Variants in ATG7 observed in about 807,000 individuals in gnomAD.
ATG7 encodes ubiquitin-like modifier-activating enzyme ATG7.
A neutral mutation model predicts 82.4 loss-of-function variants in ATG7; 70 were observed. The ratio of observed to expected loss-of-function variants is 0.85; its 90% CI spans 0.70 to 1.04. ATG7 has a LOEUF of 1.04. Ranked by LOEUF, ATG7 falls within the 50% of genes least tolerant of loss-of-function variation. The pLI, the probability that ATG7 is intolerant of heterozygous loss-of-function variation, is 0.00. For missense variants in ATG7, 792 were observed against 864.3 expected (o/e 0.92, Z 1.05); for synonymous variants, 287 against 313.0 (o/e 0.92, Z 0.88).
At chr3:11,519,753 G>A (rs1407666359) in intron 20 of ATG7, among the ~76,000 whole-genome samples, 1 of 151,592 alleles carries the variant, frequency 6.6e-6, no homozygotes, top group African/African-American at 2.4e-5. Context: ...AGTAGAGACG[G>A]GGTTTCACAG....
rs899692377 is a variant in ATG7, at chr3:11,306,975, C to G, written c.248C>G (p.Ala83Gly). ...CCCACCCCAGCCCGTTGCTGCCCAGCTATTGGAACACTGTATAACACCAAC... is the reference window on the plus strand; with the variant it reads ...CCCACCCCAGCCCGTTGCTGCCCAGGTATTGGAACACTGTATAACACCAAC... The part of the protein sequence containing the change: ...SAPTPARCCP[A>G]IGTLYNTNTL... Residue 83 changes from alanine to glycine, a missense_variant, in exon 6 of 21, where the codon GCT becomes GGT. Coordinates refer to ENST00000693202, the MANE Select transcript of ATG7 (RefSeq NM_001349232.2). 11 of 1,613,940 alleles carry G rather than the reference C, an allele frequency of 6.8e-6. No individual in the cohort carries two copies. Among genetic ancestry groups the G allele is most frequent in the Admixed American group, 1.7e-5 (1 of 59,994 alleles).
intron 19 of ATG7, among the ~76,000 whole-genome samples, chr3:11,420,517 A>G (rs1408124057): frequency 6.6e-6 from 1 of 152,116 alleles, no homozygotes; most frequent in Admixed American, 6.5e-5. Flanking sequence ...CAATTTTTCA[A>G]ACTTAATTGT....
chr3:11,398,610 T>TG (rs2079528837), intron 19 of ATG7, among the ~76,000 whole-genome samples: 1 of 152,090 alleles, frequency 6.6e-6, no homozygotes, highest in African/African-American at 2.4e-5. Flanking sequence ...CTCAGCACTT[T>TG]GGGGGGTCAA....
intron 19 of ATG7, among the ~76,000 whole-genome samples, chr3:11,380,475 A>C (rs867171226): frequency 2.0e-4 from 30 of 152,290 alleles, no homozygotes; most frequent in Admixed American, 5.2e-4. Context: ...AAGTAAACAG[A>C]GATTAGGGGC....
chr3:11,331,300 A>C, intron 9 of ATG7, 40 bp from the exon 10 acceptor site: 1 of 1,468,224 alleles, frequency 6.8e-7, no homozygotes, highest in Non-Finnish European at 9.5e-7. Context: ...TGAAGCTGAC[A>C]TGATACTCGA....
chr3:11,398,564 G>A (rs902364461), intron 19 of ATG7, among the ~76,000 whole-genome samples: 1 of 152,176 alleles, frequency 6.6e-6, no homozygotes, highest in African/African-American at 2.4e-5. Context: ...TATGGAGAAA[G>A]CAGTACTTAA....
chr3:11,378,027 A>ATTTTTTT lies in ATG7; in HGVS notation c.1876-1933_1876-1927dup, dbSNP rs61176051. ...GCTATCTAACTTATACCAGTTACCA[A>ATTTTTTT]TTTTTTTTTTTTTTTTTTGAGATGG... On this transcript the variant is annotated intron_variant, in intron 18 of 20. Coordinates refer to ENST00000693202, the MANE Select transcript of ATG7 (RefSeq NM_001349232.2). Among the ~76,000 whole-genome samples the ATTTTTTT allele has an allele frequency of 3.8e-4, 35 of 92,722 alleles. 3 individuals carry two copies. The highest frequency in any genetic ancestry group is 5.9e-3 in the Middle Eastern group (1 of 170). 60.8% of individuals were successfully genotyped at this position (92,722 alleles called of 152,430 possible).
rs1553652380 is a variant in ATG7, at chr3:11,417,800, A to ATTATTTTTTTTTTTTTTTTTTTT, written c.1957-9002_1957-9001insATTTTTTTTTTTTTTTTTTTTTT. The stretch of plus-strand genomic sequence containing the variant: ...CATTTAAAAAATTATTATTATTATT[A>ATTATTTTTTTTTTTTTTTTTTTT]TTTTATTTTATTTTATTTTTTTTTT... On this transcript the variant is annotated intron_variant, in intron 19 of 20. Coordinates refer to ENST00000693202, the MANE Select transcript of ATG7 (RefSeq NM_001349232.2). 5.9e-4 allele frequency among the ~76,000 whole-genome samples: 64 copies of ATTATTTTTTTTTTTTTTTTTTTT among 109,326 alleles called. 6 individuals carry two copies. The highest frequency in any genetic ancestry group is 4.6e-3 in the Middle Eastern group (1 of 218). 71.7% of individuals were successfully genotyped at this position (109,326 alleles called of 152,430 possible).
At chr3:11,518,740 A>G (rs752632323) in intron 20 of ATG7, among the ~76,000 whole-genome samples, 7 of 152,184 alleles carry the variant, frequency 4.6e-5, no homozygotes, top group Non-Finnish European at 7.3e-5. Flanking sequence ...GATAATCAGG[A>G]TTGTGGAAGC....
chr3:11,515,765 A>T (rs2124862444), intron 20 of ATG7, among the ~76,000 whole-genome samples: 1 of 152,254 alleles, frequency 6.6e-6, no homozygotes, highest in Non-Finnish European at 1.5e-5. Context: ...AGTAAGATGG[A>T]CCCTTTTCCT....
rs535498261 is a variant in ATG7, at chr3:11,446,476, C to G, written c.2079+19550C>G. The G allele has an allele frequency of 2.5e-4, 109 of 433,740 alleles. 2 individuals are homozygous for G. The highest frequency in any genetic ancestry group is 1.4e-3 in the South Asian group (86 of 59,616). The allele number at this position is 433,740 out of a possible 1,614,324, so 26.9% of individuals were successfully genotyped here. ...GTAGGGGAAACTTGGCGTCATCATT[C>G]AAAATACTTTATTGTATCTGGTTTA... On this transcript the variant is annotated intron_variant, in intron 20 of 20. Transcript: ENST00000693202.
At chr3:11,476,418 CTTTTTTTTTT>C (rs57639760) in intron 20 of ATG7, among the ~76,000 whole-genome samples, 31 of 139,486 alleles carry the variant, frequency 2.2e-4, no homozygotes, top group African/African-American at 6.7e-4. Context: ...TGTGGTTTTT[CTTTTTTTTTT>C]TTTTTGGTTT....
intron 20 of ATG7, among the ~76,000 whole-genome samples, chr3:11,531,151 C>T (rs962161859): frequency 6.6e-6 from 1 of 152,144 alleles, no homozygotes; most frequent in Non-Finnish European, 1.5e-5. Context: ...CTGGTGCTGT[C>T]AGCAGTAGGT....
chr3:11,477,817 C>A (rs2088435527), intron 20 of ATG7, among the ~76,000 whole-genome samples: 2 of 152,204 alleles, frequency 1.3e-5, no homozygotes, highest in South Asian at 4.1e-4. Flanking sequence ...CATGTCTCAG[C>A]TGAGCTTGCC....
intron 19 of ATG7, among the ~76,000 whole-genome samples, chr3:11,392,669 T>C (rs9310379): frequency 0.54 from 82,525 of 151,656 alleles, 22,854 homozygotes; most frequent in East Asian, 0.68. Context: ...ATGGCAAATA[T>C]GTATATCAGC....
intron 20 of ATG7, among the ~76,000 whole-genome samples, chr3:11,474,352 A>G (rs953733765): frequency 6.6e-6 from 1 of 152,240 alleles, no homozygotes; most frequent in African/African-American, 2.4e-5. Context: ...TAATCCCAGC[A>G]CCTTGAGAGG....
At chr3:11,403,533 G>C (rs190469879) in intron 19 of ATG7, among the ~76,000 whole-genome samples, 2 of 152,266 alleles carry the variant, frequency 1.3e-5, no homozygotes, top group Non-Finnish European at 2.9e-5. Flanking sequence ...ACTAGCAAAT[G>C]TAAACTTTTA....
downstream of ATG7, chr3:11,559,328 T>C: frequency 6.5e-7 from 1 of 1,534,988 alleles, no homozygotes; most frequent in Non-Finnish European, 8.8e-7. Flanking sequence ...CCCGGGACAC[T>C]CACCGCTCGG....
chr3:11,286,941 A>T (rs1944181636), intron 3 of ATG7, among the ~76,000 whole-genome samples: 1 of 146,666 alleles, frequency 6.8e-6, no homozygotes, highest in Non-Finnish European at 1.5e-5. Flanking sequence ...TTTTAAATTA[A>T]TTTTTTCTAG....
Sources: allele counts gnomAD v4.1 joint callset (sites outside exome capture counted in the v4.1 genomes callset), GRCh38; gene constraint gnomAD v4.1.1; transcripts MANE v1.5; gene names NCBI Gene and HGNC (gene_info 2026-07-23, HGNC 2026-07-21).